GPC6: variants seen among roughly 807,000 people sequenced by gnomAD.
GPC6 encodes glypican 6.
In GPC6, 14 loss-of-function variants were observed where a neutral mutation model predicts 55.2. The ratio of observed to expected loss-of-function variants is 0.25; its 90% CI spans 0.17 to 0.40. The LOEUF (loss-of-function observed/expected upper bound fraction) is 0.40, where lower values mean the gene tolerates loss of function less well. Among genes scored for constraint, GPC6 ranks in the 10% least tolerant of loss-of-function variants. The pLI, the probability that GPC6 is intolerant of heterozygous loss-of-function variation, is 1.00. For synonymous variants in GPC6, 278 were observed against 259.6 expected, an observed-to-expected ratio of 1.07 and a Z score of -0.68; for missense variants, 641 against 708.5, an observed-to-expected ratio of 0.90 and a Z score of 1.08.
chr13:94,305,876 G>A lies in GPC6; in HGVS notation c.1009-104G>A, dbSNP rs558781517. On this transcript the variant is annotated intron_variant, in intron 5 of 8. Coordinates refer to ENST00000377047, the MANE Select transcript of GPC6 (RefSeq NM_005708.5). ...AAATTAGAGTTTATTGGAGGTAAAA[G>A]TTTCATAAGAAATGTGGACACCATT... 15 of 1,081,000 alleles carry A rather than the reference G, an allele frequency of 1.4e-5. No individual in the cohort carries two copies. The South Asian group carries it at 1.5e-4, about 11-fold the overall frequency. 67.0% of individuals were successfully genotyped at this position (1,081,000 alleles called of 1,614,324 possible). A position where few individuals can be genotyped will look rare whatever the true frequency, so the allele number is the denominator to read the frequency against.
At chr13:93,789,289 C>A (rs541611010) in intron 2 of GPC6, among the ~76,000 whole-genome samples, 1 of 151,918 alleles carries the variant, frequency 6.6e-6, no homozygotes, top group South Asian at 2.1e-4. Context: ...TCTACACTGT[C>A]TGGGGTTGTC....
intron 1 of GPC6, among the ~76,000 whole-genome samples, chr13:93,283,786 T>C (rs1221123374): frequency 1.3e-5 from 2 of 152,212 alleles, no homozygotes; most frequent in Admixed American, 6.5e-5. Flanking sequence ...TGGATAGATA[T>C]GGGTGCTGTT....
In GPC6 at chr13:93,853,479, A is replaced by G. The variant is rs147068308; in HGVS notation, c.711+22934A>G. Among the ~76,000 whole-genome samples the G allele has an allele frequency of 4.4e-3, 661 of 151,806 alleles. 4 individuals are homozygous for G. Among genetic ancestry groups the G allele is most frequent in the African/African-American group, 0.015 (613 of 41,510 alleles). On this transcript the variant is annotated intron_variant, in intron 3 of 8. Coordinates refer to ENST00000377047, the MANE Select transcript of GPC6 (RefSeq NM_005708.5). ...TGCAAGTCTTTAATCAAATTTTTAC[A>G]TTCAGGATAAATTGTTCTAATAGAC...
At chr13:94,200,190 CCTTA>C (rs1337598035) in intron 4 of GPC6, among the ~76,000 whole-genome samples, 1 of 151,716 alleles carries the variant, frequency 6.6e-6, no homozygotes, top group Non-Finnish European at 1.5e-5. Flanking sequence ...TTTCCAGGAT[CCTTA>C]CTTTGAACAT....
chr13:94,270,294 A>G (rs1891951211), intron 4 of GPC6, among the ~76,000 whole-genome samples: 1 of 152,250 alleles, frequency 6.6e-6, no homozygotes, highest in Non-Finnish European at 1.5e-5. Context: ...GATAAGGAGT[A>G]TATTTTATAA....
intron 4 of GPC6, among the ~76,000 whole-genome samples, chr13:94,048,740 A>AG (rs1267259569): frequency 2.0e-5 from 3 of 152,012 alleles, no homozygotes; most frequent in Non-Finnish European, 2.9e-5. Context: ...ATTGCAGGGG[A>AG]GGGCAGATGG....
intron 2 of GPC6, among the ~76,000 whole-genome samples, chr13:93,756,274 C>T (rs914370850): frequency 6.6e-6 from 1 of 152,118 alleles, no homozygotes; most frequent in Non-Finnish European, 1.5e-5. Context: ...CCCTGGTCAC[C>T]ATATTCCAGG....
At chr13:93,607,984 T>C (rs558629211) in intron 2 of GPC6, among the ~76,000 whole-genome samples, 2 of 152,332 alleles carry the variant, frequency 1.3e-5, no homozygotes, top group South Asian at 4.1e-4. Flanking sequence ...TTATTTGGTC[T>C]CTTCAGTGAT....
intron 2 of GPC6, among the ~76,000 whole-genome samples, chr13:93,623,926 T>G (rs1307874687): frequency 6.6e-6 from 1 of 152,172 alleles, no homozygotes. Context: ...GCCCGTTTTT[T>G]AACTGGAATT....
intron 4 of GPC6, among the ~76,000 whole-genome samples, chr13:94,068,629 A>G (rs781413008): frequency 9.8e-5 from 15 of 152,350 alleles, no homozygotes; most frequent in Non-Finnish European, 1.3e-4. Flanking sequence ...CTTCCTAGAT[A>G]CAATGGGAGT....
intron 6 of GPC6, among the ~76,000 whole-genome samples, chr13:94,335,663 GA>G (rs538043871): frequency 2.1e-3 from 318 of 152,290 alleles, no homozygotes; most frequent in African/African-American, 7.4e-3. Flanking sequence ...GAGTTCTTGT[GA>G]GAAGAAAACC....
intron 2 of GPC6, among the ~76,000 whole-genome samples, chr13:93,597,026 A>AAAAAAG (rs1229732222): frequency 1.0e-3 from 142 of 142,046 alleles, no homozygotes; most frequent in African/African-American, 4.1e-3. Context: ...AAAAAAAAAA[A>AAAAAAG]AAAAGAAAAG....
intron 2 of GPC6, among the ~76,000 whole-genome samples, chr13:93,773,638 C>T (rs1030256798): frequency 6.6e-6 from 1 of 152,172 alleles, no homozygotes; most frequent in African/African-American, 2.4e-5. Context: ...ATGGTTTTCT[C>T]ACCTACGTTT....
intron 4 of GPC6, among the ~76,000 whole-genome samples, chr13:94,150,814 G>GTA (rs34636081): frequency 0.012 from 1,244 of 100,528 alleles, 131 homozygotes; most frequent in African/African-American, 0.02. Flanking sequence ...GAGATCAGCA[G>GTA]TATATATATA....
chr13:93,564,735 G>A (rs1235258029), intron 2 of GPC6, among the ~76,000 whole-genome samples: 1 of 149,566 alleles, frequency 6.7e-6, no homozygotes, highest in Non-Finnish European at 1.5e-5. Flanking sequence ...AGAGTTTCTT[G>A]TTAAGTATAT....
chr13:94,175,191 A>T (rs1212908784), intron 4 of GPC6, among the ~76,000 whole-genome samples: 3 of 152,132 alleles, frequency 2.0e-5, no homozygotes, highest in Non-Finnish European at 4.4e-5. Context: ...ATTATTAGTC[A>T]TTGCCTCTAT....
intron 2 of GPC6, among the ~76,000 whole-genome samples, chr13:93,779,883 A>T (rs1487156121): frequency 6.6e-6 from 1 of 152,144 alleles, no homozygotes; most frequent in East Asian, 1.9e-4. Flanking sequence ...ATATTCCCTC[A>T]TTTGTGTGCA....
rs74901814 is a variant in GPC6, at chr13:93,923,778, C to T, written c.711+93233C>T. Among the ~76,000 whole-genome samples the T allele has an allele frequency of 2.7e-3, 409 of 152,314 alleles. 2 individuals are homozygous for T. Among genetic ancestry groups the T allele is most frequent in the African/African-American group, 9.7e-3 (402 of 41,572 alleles). Reference sequence around the variant, plus strand: ...TGGAAGGTAAGGCTGTTAACATGTACTTTACACAATTACTGTCAGTATTGG... The same window carrying T: ...TGGAAGGTAAGGCTGTTAACATGTATTTTACACAATTACTGTCAGTATTGG... On this transcript the variant is annotated intron_variant, in intron 3 of 8. Coordinates refer to ENST00000377047, the MANE Select transcript of GPC6 (RefSeq NM_005708.5).
At chr13:93,547,645 C>A (rs1874885772) in intron 2 of GPC6, among the ~76,000 whole-genome samples, 1 of 151,916 alleles carries the variant, frequency 6.6e-6, no homozygotes, top group Non-Finnish European at 1.5e-5. Flanking sequence ...AGCAACCACT[C>A]ATCTTATTGC....
Sources: gnomAD v4.1 joint callset for allele counts (sites outside exome capture counted in the v4.1 genomes callset) on GRCh38, gnomAD v4.1.1 for gene constraint, MANE v1.5 for transcripts, NCBI Gene and HGNC (gene_info 2026-07-23, HGNC 2026-07-21) for gene names.